The following NSMAF variants were observed in gnomAD, a reference collection of about 807,000 sequenced individuals.
NSMAF encodes the protein neutral sphingomyelinase activation associated factor.
In NSMAF, 90 loss-of-function variants were observed where a neutral mutation model predicts 134.9. The ratio of observed to expected loss-of-function variants is 0.67; its 90% CI spans 0.56 to 0.79. NSMAF has a LOEUF of 0.79. NSMAF is among the 30% of genes least tolerant of loss of function. NSMAF has a pLI of 0.00. For synonymous variants in NSMAF, 358 were observed against 389.6 expected (o/e 0.92, Z 0.96); for missense variants, 1,010 against 1,119.0 (o/e 0.90, Z 1.39).
intron 6 of NSMAF, among the ~76,000 whole-genome samples, chr8:58,629,928 A>G (rs569822688): frequency 2.0e-5 from 3 of 152,336 alleles, no homozygotes; most frequent in East Asian, 3.9e-4. Context: ...GGCTCCAGGC[A>G]TCTAGAGTAT....
rs554448465 is a variant in NSMAF, at chr8:58,643,923, G to A, written c.60-850C>T. ...AAAATGAGTAAACCAAACTGAATGG[G>A]ATTGAAATATAGTTCTTTTTAAAGT... is the stretch of plus-strand genomic sequence containing the variant. On this transcript the variant is annotated intron_variant, in intron 1 of 30. Transcript: ENST00000038176. 1.8e-4 allele frequency among the ~76,000 whole-genome samples: 28 copies of A among 152,324 alleles called. No homozygotes were observed. In the South Asian group the frequency reaches 5.2e-3, roughly 28 times the overall value.
chr8:58,639,862 C>T (rs1326547689), intron 2 of NSMAF: 2 of 286,850 alleles, frequency 7.0e-6, no homozygotes, highest in East Asian at 9.6e-5. Flanking sequence ...ACTTGGAGGA[C>T]ATTATGCTAA....
chr8:58,624,871 T>C (rs1288900118), intron 6 of NSMAF, among the ~76,000 whole-genome samples: 10 of 152,248 alleles, frequency 6.6e-5, no homozygotes, highest in Admixed American at 6.5e-4. Flanking sequence ...ATTGTGTTGC[T>C]ATCTATTTCT....
intron 11 of NSMAF, among the ~76,000 whole-genome samples, chr8:58,606,848 AGGCTTATAAT>A (rs1806421506): frequency 1.3e-5 from 2 of 152,168 alleles, no homozygotes; most frequent in Admixed American, 6.6e-5. Flanking sequence ...CTACTTCACA[AGGCTTATAAT>A]GGCGAATAAA....
chr8:58,587,674 G>T lies in NSMAF; in HGVS notation c.2239C>A (p.Pro747Thr), dbSNP rs781211825. Residue 747 changes from proline to threonine, a missense_variant, in exon 27 of 31, where the codon CCA becomes ACA. By Grantham distance (38) the Pro-to-Thr change is conservative (BLOSUM62 -1). Transcript: ENST00000038176. Reference sequence around the variant, plus strand: ...TCAAAGTGGTGTCTTTTGGTGCCTGGCATCTCTGCAGGAACACCAGACCAC... The same window carrying T: ...TCAAAGTGGTGTCTTTTGGTGCCTGTCATCTCTGCAGGAACACCAGACCAC... The part of the protein sequence containing the change: ...KVWSGVPAEM[P>T]GTKRHHFDLL... The T allele has an allele frequency of 8.7e-5, 141 of 1,613,964 alleles. No individual in the cohort carries two copies. Among genetic ancestry groups the T allele is most frequent in the Non-Finnish European group, 1.2e-4 (141 of 1,179,988 alleles).
chr8:58,601,946 G>T, intron 14 of NSMAF, 112 bp downstream of exon 14: 2 of 765,090 alleles, frequency 2.6e-6, no homozygotes, highest in Non-Finnish European at 4.3e-6. Context: ...ACTCTACGTA[G>T]AGTCACTGGT....
In NSMAF at chr8:58,597,631, A is replaced by G. The variant is rs1264891087; in HGVS notation, c.1629-81T>C. The G allele has an allele frequency of 6.1e-6, 8 of 1,317,450 alleles. No homozygotes were observed. In the East Asian group the frequency reaches 1.8e-4, roughly 30 times the overall value. 81.6% of individuals were successfully genotyped at this position (1,317,450 alleles called of 1,614,324 possible). A position where few individuals can be genotyped will look rare whatever the true frequency, so the allele number is the denominator to read the frequency against. The stretch of plus-strand genomic sequence containing the variant: ...GCACGCATTTCAAATAGTACTGATC[A>G]ATAGGAGGGACTAACCCTCAAATAA... On this transcript the variant is annotated intron_variant, in intron 20 of 30. Coordinates refer to ENST00000038176, the MANE Select transcript of NSMAF (RefSeq NM_003580.4).
intron 6 of NSMAF, among the ~76,000 whole-genome samples, chr8:58,628,478 T>C (rs1305472578): frequency 1.3e-5 from 2 of 152,234 alleles, no homozygotes; most frequent in African/African-American, 4.8e-5. Flanking sequence ...ATATCTCAAA[T>C]TACATCCATT....
At chr8:58,611,752 A>G (rs1345838157) in intron 9 of NSMAF, among the ~76,000 whole-genome samples, 3 of 152,224 alleles carry the variant, frequency 2.0e-5, no homozygotes, top group African/African-American at 7.2e-5. Flanking sequence ...GAGAAAAAAG[A>G]ATGAAAAAAA....
rs1364713181 is a variant in NSMAF, at chr8:58,584,161, C to G, written c.2699G>C (p.Ser900Thr). ...TCIWMNEQCS[S>T]IITGGEDRQI... ...TCTGTCTTCCCCTCCTGTGATGATA[C>G]TGCTACACTGTTCATTCATCCATAT... The change falls in exon 31 of 31, where the codon AGT becomes ACT. Residue 900 changes from serine to threonine, a missense_variant. Transcript: ENST00000038176. 34 of 1,613,636 alleles carry G rather than the reference C, an allele frequency of 2.1e-5. No homozygotes were observed. The highest frequency in any genetic ancestry group is 2.9e-5 in the Non-Finnish European group (34 of 1,179,738).
intron 26 of NSMAF, chr8:58,588,552 T>G (rs1353880240): frequency 3.2e-6 from 4 of 1,232,082 alleles, no homozygotes; most frequent in Non-Finnish European, 4.7e-6. Context: ...CACAGTAATG[T>G]AGCTTCACAT....
intron 1 of NSMAF, among the ~76,000 whole-genome samples, chr8:58,651,000 T>C (rs1807569467): frequency 6.6e-6 from 1 of 152,194 alleles, no homozygotes; most frequent in African/African-American, 2.4e-5. Flanking sequence ...TTTCCAATTG[T>C]GTTCTCTGGG....
intron 26 of NSMAF, 29 bp downstream of exon 26, chr8:58,589,423 T>TA (rs1370663826): frequency 8.4e-6 from 12 of 1,428,050 alleles, no homozygotes; most frequent in East Asian, 8.1e-5. Flanking sequence ...CACACCAAGT[T>TA]AAAAAAACTT....
chr8:58,626,750 G>GTAGT (rs924199612), intron 6 of NSMAF, among the ~76,000 whole-genome samples: 3 of 152,180 alleles, frequency 2.0e-5, no homozygotes, highest in African/African-American at 7.2e-5. Flanking sequence ...GGATTGAAAG[G>GTAGT]TAGTTCTACT....
At chr8:58,651,397 G>A (rs1393770112) in intron 1 of NSMAF, among the ~76,000 whole-genome samples, 1 of 152,044 alleles carries the variant, frequency 6.6e-6, no homozygotes. Context: ...CTTCCCCTCA[G>A]TAATTAGGTT....
chr8:58,641,113 G>C (rs915534931), intron 2 of NSMAF, among the ~76,000 whole-genome samples: 30 of 151,964 alleles, frequency 2.0e-4, no homozygotes, highest in Non-Finnish European at 1.5e-5. Context: ...CAGAGACGAG[G>C]TTTCACCGTG....
At position 58,607,797 on chromosome 8, in the gene NSMAF, T is replaced by C. The variant is rs1251576496; in HGVS notation, c.731A>G (p.Tyr244Cys). The C allele has an allele frequency of 5.0e-6, 8 of 1,614,120 alleles. No homozygotes were observed. The highest frequency in any genetic ancestry group is 3.3e-5 in the South Asian group (3 of 91,092). ...AGGCATGAGGCCGTGCCTCCTTTTG[T>C]AGATGCGGCGGACATCTTGGAGTGT... ...QITLQDVRRIYKRRHGLMPLG... is the reference protein window; with the variant it reads ...QITLQDVRRICKRRHGLMPLG... Residue 244 changes from tyrosine to cysteine, a missense_variant, in exon 11 of 31, where the codon TAC becomes TGC. Coordinates refer to ENST00000038176, the MANE Select transcript of NSMAF (RefSeq NM_003580.4).
At position 58,659,587 on chromosome 8, in the gene NSMAF, G is replaced by C. The variant is rs768183737; in HGVS notation, c.45C>G (p.Leu15=). ...RKKQQEQQLQ[L]YSKERFSLLL... ...TGGGCGCGCACCTCTCCTTGGAGTA[G>C]AGCTGCAGCTGCTGCTCCTGCTGCT... The change falls in exon 1 of 31, where the codon CTC becomes CTG. Residue 15 remains leucine, a synonymous_variant. Coordinates refer to ENST00000038176, the MANE Select transcript of NSMAF (RefSeq NM_003580.4). The C allele has an allele frequency of 4.0e-6, 6 of 1,509,526 alleles. No homozygotes were observed. Among genetic ancestry groups the C allele is most frequent in the Non-Finnish European group, 5.3e-6 (6 of 1,130,962 alleles). The allele number at this position is 1,509,526 out of a possible 1,614,324, so 93.5% of individuals were successfully genotyped here. A position where few individuals can be genotyped will look rare whatever the true frequency, so the allele number is the denominator to read the frequency against.
chr8:58,627,610 C>A lies in NSMAF; in HGVS notation c.385-3830G>T, dbSNP rs147111951. ...ATCAACAATTCCATTCCTTTTATAA[C>A]AGCTGCAAAAAAAATAAAATAAAAT... is the stretch of plus-strand genomic sequence containing the variant. On this transcript the variant is annotated intron_variant, in intron 6 of 30. Coordinates refer to ENST00000038176, the MANE Select transcript of NSMAF (RefSeq NM_003580.4). Among the ~76,000 whole-genome samples the A allele has an allele frequency of 4.6e-3, 699 of 152,158 alleles. 7 individuals are homozygous for A. The highest frequency in any genetic ancestry group is 0.016 in the African/African-American group (657 of 41,532).
Sources: allele counts gnomAD v4.1 joint callset (sites outside exome capture counted in the v4.1 genomes callset), GRCh38; gene constraint gnomAD v4.1.1; transcripts MANE v1.5; gene names NCBI Gene and HGNC (gene_info 2026-07-23, HGNC 2026-07-21).